LAMA3: variants seen among roughly 807,000 people sequenced by gnomAD.
The protein encoded by LAMA3 is laminin subunit alpha-3.
LAMA3 carries 281 observed loss-of-function variants against 402.0 expected under a neutral mutation model. The ratio of observed to expected loss-of-function variants is 0.70; its 90% confidence interval spans 0.63 to 0.77. The LOEUF is 0.77. LAMA3 is among the 30% of genes least tolerant of loss of function. The probability of loss-of-function intolerance (pLI) is 0.00; values close to 1 mark genes in which losing one functional copy is unlikely to be tolerated. For synonymous variants in LAMA3, 1,431 were observed against 1,558.4 expected (o/e 0.92, Z 1.93); for missense variants, 3,840 against 4,215.5 (o/e 0.91, Z 2.47).
chr18:23,861,785 C>T lies in LAMA3; in HGVS notation c.4562C>T (p.Pro1521Leu). ...ATIHSASWVAPTSYLGDKVSS... is the reference protein window; with the variant it reads ...ATIHSASWVALTSYLGDKVSS... The stretch of plus-strand genomic sequence containing the variant: ...ATCCACAGCGCGTCCTGGGTCGCAC[C>T]CACCTCCTACCTGGGGGACAAGGTA... Residue 1521 changes from proline to leucine, a missense_variant, in exon 35 of 75, where the codon CCC becomes CTC. Coordinates refer to ENST00000313654, the MANE Select transcript of LAMA3 (RefSeq NM_198129.4). The T allele has an allele frequency of 6.2e-7, 1 of 1,613,306 alleles. No individual in the cohort carries two copies. The highest frequency in any genetic ancestry group is 1.1e-5 in the South Asian group (1 of 90,904).
chr18:23,739,331 A>G (rs1026138184), intron 2 of LAMA3, among the ~76,000 whole-genome samples: 1 of 152,244 alleles, frequency 6.6e-6, no homozygotes, highest in Non-Finnish European at 1.5e-5. Flanking sequence ...TTTAATCTGT[A>G]GCCCAGCTGA....
At chr18:23,790,577 ACTTTT>A (rs1001756729) in intron 12 of LAMA3, among the ~76,000 whole-genome samples, 102 of 152,286 alleles carry the variant, frequency 6.7e-4, no homozygotes, top group African/African-American at 2.4e-3. Flanking sequence ...GTAGTTTGTC[ACTTTT>A]CTTTTATTCT....
In LAMA3 at chr18:23,837,763, C is replaced by G. The variant is rs576766254; in HGVS notation, c.3093+674C>G. On this transcript the variant is annotated intron_variant, in intron 25 of 74. Transcript: ENST00000313654. ...AATATCACAGGGAATTTAAGATTCT[C>G]TAAGTGTGAAGCAACTTCCTGTTAC... 2.0e-3 allele frequency among the ~76,000 whole-genome samples: 311 copies of G among 151,820 alleles called. 2 individuals are homozygous for G. The highest frequency in any genetic ancestry group is 7.1e-3 in the African/African-American group (294 of 41,432).
chr18:23,846,212 G>A (rs2063811589), intron 30 of LAMA3, 85 bp from the exon 31 acceptor site: 1 of 1,269,322 alleles, frequency 7.9e-7, no homozygotes, highest in Non-Finnish European at 1.2e-6. Context: ...ATGCTGCTGG[G>A]TGGAGCAGGT....
chr18:23,943,305 G>T lies in LAMA3; in HGVS notation c.9027-483G>T, dbSNP rs536470597. 4.7e-4 allele frequency among the ~76,000 whole-genome samples: 72 copies of T among 152,264 alleles called. 1 individual carries two copies. Among genetic ancestry groups the T allele is most frequent in the Admixed American group, 4.2e-3 (64 of 15,308 alleles). Reference sequence around the variant, plus strand: ...AGGGGCTGTGGGAAGCGAGACTAGGGAGCTCTTGTTTCATGGGTACAAGTT... The same window carrying T: ...AGGGGCTGTGGGAAGCGAGACTAGGTAGCTCTTGTTTCATGGGTACAAGTT... On this transcript the variant is annotated intron_variant, in intron 68 of 74. Transcript: ENST00000313654.
intron 67 of LAMA3, 36 bp from the exon 68 acceptor site, chr18:23,939,187 T>A: frequency 6.2e-7 from 1 of 1,605,644 alleles, no homozygotes; most frequent in Non-Finnish European, 8.5e-7. Flanking sequence ...TCTTCACTCT[T>A]TCCCCTGATA....
At chr18:23,954,257 C>T (rs377760804) in intron 74 of LAMA3, among the ~76,000 whole-genome samples, 3 of 152,000 alleles carry the variant, frequency 2.0e-5, no homozygotes, top group African/African-American at 7.2e-5. Flanking sequence ...TAAAAATTAG[C>T]CCAGGGTGGT....
intron 17 of LAMA3, among the ~76,000 whole-genome samples, chr18:23,815,828 C>A (rs537001756): frequency 3.2e-3 from 490 of 152,242 alleles, no homozygotes; most frequent in Non-Finnish European, 5.5e-3. Context: ...GGGAGGGCAT[C>A]TGTTAGTTTT....
chr18:23,871,695 G>A, intron 38 of LAMA3, 34 bp downstream of exon 38: 1 of 1,544,212 alleles, frequency 6.5e-7, no homozygotes, highest in South Asian at 1.2e-5. Context: ...CATTTCCCTA[G>A]GGAGCTCCTG....
At chr18:23,791,425 T>A (rs1215829520) in intron 12 of LAMA3, among the ~76,000 whole-genome samples, 1 of 152,078 alleles carries the variant, frequency 6.6e-6, no homozygotes, top group African/African-American at 2.4e-5. Flanking sequence ...GATAGATAAT[T>A]GGGATTTCAC....
intron 2 of LAMA3, among the ~76,000 whole-genome samples, chr18:23,736,929 C>G (rs2061485430): frequency 6.6e-6 from 1 of 152,164 alleles, no homozygotes; most frequent in South Asian, 2.1e-4. Context: ...GCCACTACCA[C>G]CTACCCTCTT....
rs1042979079 is a variant in LAMA3 at position 23,951,248 on chromosome 18, G to A, written c.9643-436G>A. Among the ~76,000 whole-genome samples the A allele has an allele frequency of 2.6e-5, 4 of 152,228 alleles. No individual in the cohort carries two copies. In the South Asian group the frequency reaches 6.2e-4, roughly 24 times the overall value. On this transcript the variant is annotated intron_variant, in intron 72 of 74. Transcript: ENST00000313654. The stretch of plus-strand genomic sequence containing the variant: ...TTTTGCTTGTTTAAAGTCTTGCCAT[G>A]CATGGAACTATTACAGTTGGCTGGC...
rs886053677 is a variant in LAMA3, at chr18:23,928,656, G to A, written c.8327G>A (p.Gly2776Glu). 3 of 1,613,970 alleles carry A rather than the reference G, an allele frequency of 1.9e-6. No individual in the cohort carries two copies. Among genetic ancestry groups the A allele is most frequent in the Non-Finnish European group, 2.5e-6 (3 of 1,179,834 alleles). Residue 2776 changes from glycine (G) to glutamate (E), a missense_variant, in exon 64 of 75, where the codon GGA (glycine) becomes GAA (glutamate). Coordinates refer to ENST00000313654, the MANE Select transcript of LAMA3 (RefSeq NM_198129.4). Reference sequence around the variant, plus strand: ...CGATCTGCCTCATTCTCCAGAGGAGGACAATTGAGTTTCACTGATTTGGGC... The same window carrying A: ...CGATCTGCCTCATTCTCCAGAGGAGAACAATTGAGTTTCACTGATTTGGGC... Reference protein sequence around the residue: ...LVRSASFSRGGQLSFTDLGLP... With the variant: ...LVRSASFSRGEQLSFTDLGLP...
At chr18:23,779,200 G>T (rs2062386160) in intron 11 of LAMA3, among the ~76,000 whole-genome samples, 1 of 152,166 alleles carries the variant, frequency 6.6e-6, no homozygotes, top group Admixed American at 6.5e-5. Context: ...AATGAGACAG[G>T]AGCCATGGAG....
intron 2 of LAMA3, among the ~76,000 whole-genome samples, chr18:23,726,766 C>T (rs369203654): frequency 4.7e-4 from 71 of 151,984 alleles, no homozygotes; most frequent in East Asian, 2.9e-3. Flanking sequence ...TACAGGTGTC[C>T]GCCACTGCGC....
Position 23,915,434 on chromosome 18 carries a change from G to A in LAMA3, c.7778+12G>A, listed in dbSNP as rs776512314. 32 of 1,612,044 alleles carry A rather than the reference G, an allele frequency of 2.0e-5. No individual in the cohort carries two copies. Among genetic ancestry groups the A allele is most frequent in the Middle Eastern group, 3.3e-4 (2 of 6,038 alleles). On this transcript the variant is annotated intron_variant, in intron 59 of 74. Coordinates refer to ENST00000313654, the MANE Select transcript of LAMA3 (RefSeq NM_198129.4). ...GAGCCTTGTAGAAGGTAAATAAAAT[G>A]TAGAAACCAGAAACTCTGTAACTGG...
intron 12 of LAMA3, among the ~76,000 whole-genome samples, chr18:23,799,009 T>C (rs1030891399): frequency 5.9e-5 from 9 of 152,214 alleles, no homozygotes; most frequent in Non-Finnish European, 1.0e-4. Flanking sequence ...TATCAAGAAT[T>C]ATGCAGGGCT....
chr18:23,888,417 T>C (rs948218528), intron 41 of LAMA3, among the ~76,000 whole-genome samples: 1 of 152,262 alleles, frequency 6.6e-6, no homozygotes, highest in Non-Finnish European at 1.5e-5. Flanking sequence ...ATAGGTATTA[T>C]TAGTCCACTC....
intron 12 of LAMA3, among the ~76,000 whole-genome samples, chr18:23,790,781 G>T (rs2144078196): frequency 6.6e-6 from 1 of 152,112 alleles, no homozygotes; most frequent in East Asian, 1.9e-4. Flanking sequence ...TCCCAACCCT[G>T]TTTGAAGGGC....
Sources: allele counts gnomAD v4.1 joint callset (sites outside exome capture counted in the v4.1 genomes callset), GRCh38; gene constraint gnomAD v4.1.1; transcripts MANE v1.5; gene names NCBI Gene and HGNC (gene_info 2026-07-23, HGNC 2026-07-21).